Variants in FSTL5 observed in about 807,000 individuals in gnomAD.
The protein encoded by FSTL5 is follistatin-related protein 5.
Under a neutral mutation model 89.1 loss-of-function variants are expected in FSTL5, and 62 were observed. The observed-to-expected ratio is 0.70, with a 90% CI of 0.57 to 0.86. FSTL5 has a LOEUF of 0.86. Among genes scored for constraint, FSTL5 ranks in the 40% least tolerant of loss-of-function variants. FSTL5 has a pLI of 0.00. For missense variants in FSTL5, 1,057 were observed against 1,001.6 expected (o/e 1.06, Z -0.75); for synonymous variants, 383 against 346.2 (o/e 1.11, Z -1.18).
intron 4 of FSTL5, among the ~76,000 whole-genome samples, chr4:161,780,244 ATCT>A (rs1741615326): frequency 6.6e-6 from 1 of 151,184 alleles, no homozygotes; most frequent in African/African-American, 2.4e-5. Context: ...AAAGAAAAAC[ATCT>A]AGCACGGTTA....
intron 4 of FSTL5, among the ~76,000 whole-genome samples, chr4:161,802,901 A>T (rs565165055): frequency 5.3e-5 from 8 of 151,980 alleles, no homozygotes; most frequent in African/African-American, 1.9e-4. Flanking sequence ...CCAAAACAGC[A>T]ATCTACTGTT....
At chr4:161,977,639 A>AAAAAAAAAAAAAAAAAT (rs1553988132) in intron 3 of FSTL5, among the ~76,000 whole-genome samples, 2 of 101,242 alleles carry the variant, frequency 2.0e-5, no homozygotes, top group African/African-American at 4.1e-5. Flanking sequence ...AAAAAAAAAA[A>AAAAAAAAAAAAAAAAAT]AATAATAATA....
At chr4:161,555,471 T>G (rs1342790350) in intron 8 of FSTL5, among the ~76,000 whole-genome samples, 1 of 151,584 alleles carries the variant, frequency 6.6e-6, no homozygotes, top group Non-Finnish European at 1.5e-5. Flanking sequence ...GGTTTCTTTT[T>G]GACAGATTTT....
chr4:161,788,643 T>C (rs1741998944), intron 4 of FSTL5, among the ~76,000 whole-genome samples: 1 of 152,180 alleles, frequency 6.6e-6, no homozygotes. Flanking sequence ...CCCAACACTT[T>C]GGGAGGTAGA....
At chr4:161,561,959 C>T (rs1732618914) in intron 8 of FSTL5, among the ~76,000 whole-genome samples, 1 of 151,968 alleles carries the variant, frequency 6.6e-6, no homozygotes, top group Non-Finnish European at 1.5e-5. Context: ...GTTCCACTTT[C>T]CCTCAGCTTT....
At chr4:161,963,185 T>C (rs1735229368) in intron 3 of FSTL5, among the ~76,000 whole-genome samples, 1 of 151,992 alleles carries the variant, frequency 6.6e-6, no homozygotes, top group African/African-American at 2.4e-5. Context: ...CACTTTCTTG[T>C]AATTTGATTC....
chr4:161,722,013 C>T (rs572670021), intron 6 of FSTL5, among the ~76,000 whole-genome samples: 1 of 151,870 alleles, frequency 6.6e-6, no homozygotes, highest in African/African-American at 2.4e-5. Flanking sequence ...ATAACATCTT[C>T]TTATACATAA....
chr4:161,949,133 T>A (rs1435867193), intron 3 of FSTL5, among the ~76,000 whole-genome samples: 1 of 152,148 alleles, frequency 6.6e-6, no homozygotes. Flanking sequence ...TTCCTTCGCG[T>A]GTGGTTCCTT....
chr4:161,696,794 T>C (rs1560795418), intron 6 of FSTL5, among the ~76,000 whole-genome samples: 1 of 152,230 alleles, frequency 6.6e-6, no homozygotes, highest in Non-Finnish European at 1.5e-5. Flanking sequence ...TTGTGTACAT[T>C]AATTTTGTAT....
chr4:161,588,620 A>T (rs1287060970), intron 7 of FSTL5, among the ~76,000 whole-genome samples: 4 of 152,106 alleles, frequency 2.6e-5, no homozygotes, highest in Admixed American at 6.5e-5. Context: ...GCCAAAATCA[A>T]TTTTTTTCAG....
intron 11 of FSTL5, among the ~76,000 whole-genome samples, chr4:161,508,547 C>CA (rs1258594132): frequency 2.0e-4 from 31 of 151,940 alleles, no homozygotes; most frequent in Admixed American, 2.0e-3. Flanking sequence ...TATAAATTTC[C>CA]AAAAACTAAC....
Position 161,992,864 on chromosome 4 carries a change from ATATATATATATAT to A in FSTL5, c.160+40748_160+40760del, listed in dbSNP as rs1560957380. On this transcript the variant is annotated intron_variant, in intron 3 of 15. Transcript: ENST00000306100. The stretch of plus-strand genomic sequence containing the variant: ...CTCCATCTCAAAAAAAAAAAAAAAT[ATATATATATATAT>A]ATATATATATATATATATATGTGTG... Among the ~76,000 whole-genome samples the A allele has an allele frequency of 8.6e-3, 566 of 65,564 alleles. 27 individuals are homozygous for A. The highest frequency in any genetic ancestry group is 0.029 in the African/African-American group (447 of 15,508). The allele number at this position is 65,564 out of a possible 152,430, so 43.0% of individuals were successfully genotyped here.
chr4:161,832,249 G>A (rs1005817442), intron 4 of FSTL5, among the ~76,000 whole-genome samples: 1 of 152,064 alleles, frequency 6.6e-6, no homozygotes, highest in African/African-American at 2.4e-5. Flanking sequence ...AAACGAATGA[G>A]CTGTACAATA....
chr4:161,880,125 G>C (rs572496528), intron 4 of FSTL5, among the ~76,000 whole-genome samples: 2 of 152,130 alleles, frequency 1.3e-5, no homozygotes, highest in Admixed American at 1.3e-4. Context: ...ATTTGGCTAG[G>C]TGTGGGGGAG....
chr4:161,616,978 G>A (rs1398891772), intron 7 of FSTL5, among the ~76,000 whole-genome samples: 1 of 150,550 alleles, frequency 6.6e-6, no homozygotes, highest in Non-Finnish European at 1.5e-5. Flanking sequence ...TGCAAACTCA[G>A]GAGAAAAAGA....
chr4:161,905,708 A>C (rs952326546), intron 4 of FSTL5, among the ~76,000 whole-genome samples: 2 of 152,118 alleles, frequency 1.3e-5, no homozygotes, highest in Non-Finnish European at 2.9e-5. Context: ...GACAGAAGAC[A>C]CTGAACCTTC....
intron 4 of FSTL5, 101 bp from the exon 5 acceptor site, chr4:161,776,175 C>T (rs1741406209): frequency 3.3e-6 from 2 of 602,902 alleles, no homozygotes; most frequent in Admixed American, 8.4e-5. Context: ...ATACTATGTA[C>T]ATAATTTTTA....
intron 2 of FSTL5, among the ~76,000 whole-genome samples, chr4:162,089,006 C>T (rs963526253): frequency 6.6e-6 from 1 of 152,130 alleles, no homozygotes; most frequent in Non-Finnish European, 1.5e-5. Context: ...GCTGTAAGAG[C>T]TCTGCCCTCA....
rs59384592 is a variant in FSTL5 at position 161,779,762 on chromosome 4, TA to T, written c.410-3689del. Among the ~76,000 whole-genome samples, 319 of 61,186 alleles carry T rather than the reference TA, an allele frequency of 5.2e-3. 46 individuals carry two copies. Among genetic ancestry groups the T allele is most frequent in the Middle Eastern group, 0.011 (1 of 94 alleles). 40.1% of individuals were successfully genotyped at this position (61,186 alleles called of 152,430 possible). On this transcript the variant is annotated intron_variant, in intron 4 of 15. Coordinates refer to ENST00000306100, the MANE Select transcript of FSTL5 (RefSeq NM_020116.5). ...TGTCCAAGGATTATTTGTAAAGTTA[TA>T]TATATATATATGTATATATATATAT... is the stretch of plus-strand genomic sequence containing the variant.
Sources: gnomAD v4.1 joint callset for allele counts (sites outside exome capture counted in the v4.1 genomes callset) on GRCh38, gnomAD v4.1.1 for gene constraint, MANE v1.5 for transcripts, NCBI Gene and HGNC (gene_info 2026-07-23, HGNC 2026-07-21) for gene names.